PTPRJ: variants seen among roughly 807,000 people sequenced by gnomAD.
PTPRJ encodes the protein protein tyrosine phosphatase receptor type J.
Under a neutral mutation model 141.3 loss-of-function variants are expected in PTPRJ, and 129 were observed. That is an observed-to-expected ratio of 0.91 (90% CI 0.79 to 1.06). PTPRJ has a LOEUF of 1.06. PTPRJ is among the 50% of genes least tolerant of loss of function. The pLI is 0.00. For synonymous variants in PTPRJ, 610 were observed against 640.5 expected, an observed-to-expected ratio of 0.95 and a Z score of 0.72; for missense variants, 1,601 against 1,679.7, an observed-to-expected ratio of 0.95 and a Z score of 0.82.
intron 19 of PTPRJ, among the ~76,000 whole-genome samples, chr11:48,155,157 G>A (rs1857571690): frequency 6.6e-6 from 1 of 152,090 alleles, no homozygotes; most frequent in Non-Finnish European, 1.5e-5. Flanking sequence ...ATAATTCTGT[G>A]TTTTAGACCC....
At chr11:48,141,464 A>C (rs932306066) in intron 11 of PTPRJ, among the ~76,000 whole-genome samples, 52 of 151,816 alleles carry the variant, frequency 3.4e-4, no homozygotes, top group Non-Finnish European at 6.6e-4. Context: ...AAATGTGGGG[A>C]CTGTTTATGA....
chr11:48,009,595 C>G (rs1277768669), intron 1 of PTPRJ, among the ~76,000 whole-genome samples: 1 of 148,970 alleles, frequency 6.7e-6, no homozygotes, highest in Non-Finnish European at 1.5e-5. Context: ...GACTCTGTCT[C>G]AAAAAAAAAA....
intron 1 of PTPRJ, among the ~76,000 whole-genome samples, chr11:48,060,217 A>G (rs1854881227): frequency 6.6e-6 from 1 of 152,256 alleles, no homozygotes. Flanking sequence ...ATGGTTACTG[A>G]GAATTCAAGA....
intron 1 of PTPRJ, among the ~76,000 whole-genome samples, chr11:48,097,549 T>C (rs1856042150): frequency 6.6e-6 from 1 of 152,156 alleles, no homozygotes; most frequent in African/African-American, 2.4e-5. Flanking sequence ...AAATTTTTTT[T>C]TTTTTTGAGA....
chr11:48,071,283 C>T lies in PTPRJ; in HGVS notation c.97-38775C>T, dbSNP rs182526068. On this transcript the variant is annotated intron_variant, in intron 1 of 24. Coordinates refer to ENST00000418331, the MANE Select transcript of PTPRJ (RefSeq NM_002843.4). ...ACATTAGTAGAGGTGATATCTTAGT[C>T]TGCTTTTGCTGCTGTAACAGAATAC... Among the ~76,000 whole-genome samples, 4 of 152,218 alleles carry T rather than the reference C, an allele frequency of 2.6e-5. No individual in the cohort carries two copies. In the East Asian group the frequency reaches 7.7e-4, roughly 29 times the overall value.
intron 1 of PTPRJ, among the ~76,000 whole-genome samples, chr11:48,016,720 T>A (rs1854958442): frequency 6.6e-6 from 1 of 152,148 alleles, no homozygotes; most frequent in African/African-American, 2.4e-5. Flanking sequence ...TTGTCTGGCA[T>A]TAACCACATG....
At chr11:47,981,053 G>A in intron 1 of PTPRJ, 45 bp downstream of exon 1, 1 of 1,208,092 alleles carries the variant, frequency 8.3e-7, no homozygotes, top group Non-Finnish European at 1.0e-6. Flanking sequence ...GGCTGGGGCG[G>A]GACTGGCATT....
chr11:48,164,738 G>A (rs1326588870), intron 24 of PTPRJ, among the ~76,000 whole-genome samples: 1 of 151,694 alleles, frequency 6.6e-6, no homozygotes, highest in Non-Finnish European at 1.5e-5. Context: ...GCTAATTTTT[G>A]TAATTTTAGT....
At position 47,980,977 on chromosome 11, in the gene PTPRJ, CGCTGCTGCT is replaced by C. The variant is rs747484779; in HGVS notation, c.77_85del (p.Leu26_Leu28del). ...TCGCCCGGGCTGCGCTGGGCGCTGC[CGCTGCTGCT>C]GCTGCTGCTGCGCCTGGGCCAGGTA... is the stretch of plus-strand genomic sequence containing the variant. On this transcript the variant is annotated inframe_deletion, in exon 1 of 25. Coordinates refer to ENST00000418331, the MANE Select transcript of PTPRJ (RefSeq NM_002843.4). 8.4e-7 allele frequency: 1 copy of C among 1,191,918 alleles called. No homozygotes were observed. Among genetic ancestry groups the C allele is most frequent in the Non-Finnish European group, 1.0e-6 (1 of 963,612 alleles). 73.8% of individuals were successfully genotyped at this position (1,191,918 alleles called of 1,614,324 possible).
At chr11:48,091,977 G>A (rs71477908) in intron 1 of PTPRJ, among the ~76,000 whole-genome samples, 23,053 of 152,058 alleles carry the variant, frequency 0.15, 1,842 homozygotes, top group East Asian at 0.28. Flanking sequence ...TGTTATTTCT[G>A]GAGTCCCCTG....
At chr11:48,153,442 G>A (rs2134378722) in intron 18 of PTPRJ, among the ~76,000 whole-genome samples, 1 of 145,794 alleles carries the variant, frequency 6.9e-6, no homozygotes, top group East Asian at 2.0e-4. Context: ...GCTGAGGCAG[G>A]AGACCGCGCC....
rs115382015 is a variant in PTPRJ at position 47,991,604 on chromosome 11, A to G, written c.96+10596A>G. On this transcript the variant is annotated intron_variant, in intron 1 of 24. Transcript: ENST00000418331. ...GTCATGGGGAAGTTTTCCTGTCTCAATGAGAGCACACCGTGCTTGTGGTCT... is the reference window on the plus strand; with the variant it reads ...GTCATGGGGAAGTTTTCCTGTCTCAGTGAGAGCACACCGTGCTTGTGGTCT... 9.1e-3 allele frequency among the ~76,000 whole-genome samples: 1,385 copies of G among 152,246 alleles called. 23 individuals are homozygous for G. Among genetic ancestry groups the G allele is most frequent in the African/African-American group, 0.032 (1,333 of 41,548 alleles).
intron 1 of PTPRJ, among the ~76,000 whole-genome samples, chr11:48,085,436 C>T (rs1005567840): frequency 2.0e-5 from 3 of 152,084 alleles, no homozygotes; most frequent in Non-Finnish European, 2.9e-5. Flanking sequence ...CCTCCGCCTC[C>T]CGGGTTCAAA....
chr11:48,062,523 C>A (rs1854966829), intron 1 of PTPRJ, among the ~76,000 whole-genome samples: 3 of 151,288 alleles, frequency 2.0e-5, no homozygotes, highest in Admixed American at 6.6e-5. Flanking sequence ...AAAAAAAAAA[C>A]CAAAAAAAAC....
Position 48,081,892 on chromosome 11 carries a change from C to T in PTPRJ, c.97-28166C>T, listed in dbSNP as rs540310869. On this transcript the variant is annotated intron_variant, in intron 1 of 24. Coordinates refer to ENST00000418331, the MANE Select transcript of PTPRJ (RefSeq NM_002843.4). ...GCTACTGATGAAGTCTCAGGAAGCT[C>T]GAAGTTTGTAGTTAACTCTTTCAGG... 1.2e-4 allele frequency among the ~76,000 whole-genome samples: 19 copies of T among 152,254 alleles called. No homozygotes were observed. The East Asian group carries it at 3.3e-3, about 26-fold the overall frequency.
intron 1 of PTPRJ, among the ~76,000 whole-genome samples, chr11:48,052,978 C>T (rs536200981): frequency 8.7e-5 from 13 of 149,422 alleles, no homozygotes; most frequent in African/African-American, 3.0e-4. Context: ...GGGGTCATGT[C>T]CTCTGAAAGG....
At chr11:48,042,442 C>T (rs1435683173) in intron 1 of PTPRJ, among the ~76,000 whole-genome samples, 1 of 152,144 alleles carries the variant, frequency 6.6e-6, no homozygotes, top group African/African-American at 2.4e-5. Flanking sequence ...TCTGGTGCTC[C>T]TGTGTGACAG....
chr11:48,045,816 A>G (rs1486502006), intron 1 of PTPRJ, among the ~76,000 whole-genome samples: 2 of 152,196 alleles, frequency 1.3e-5, no homozygotes, highest in Non-Finnish European at 2.9e-5. Context: ...GGGCCTGGCC[A>G]CCTGGTACTT....
At chr11:48,083,739 C>A (rs1255839637) in intron 1 of PTPRJ, among the ~76,000 whole-genome samples, 2 of 152,158 alleles carry the variant, frequency 1.3e-5, no homozygotes, top group Non-Finnish European at 2.9e-5. Flanking sequence ...GTAGTGAGTA[C>A]CCAGTAAATA....
Sources: gnomAD v4.1 joint callset for allele counts (sites outside exome capture counted in the v4.1 genomes callset) on GRCh38, gnomAD v4.1.1 for gene constraint, MANE v1.5 for transcripts, NCBI Gene and HGNC (gene_info 2026-07-23, HGNC 2026-07-21) for gene names.